The following CDC14A variants were observed in gnomAD, a reference collection of about 807,000 sequenced individuals.
CDC14A encodes dual specificity protein phosphatase CDC14A.
A neutral mutation model predicts 74.4 loss-of-function variants in CDC14A; 53 were observed. The ratio of observed to expected loss-of-function variants is 0.71; its 90% CI spans 0.57 to 0.89. The LOEUF (loss-of-function observed/expected upper bound fraction) is 0.89, where lower values mean the gene tolerates loss of function less well. Ranked by LOEUF, CDC14A falls within the 40% of genes least tolerant of loss-of-function variation. The pLI is 0.00. For synonymous variants in CDC14A, 247 were observed against 258.4 expected (o/e 0.96, Z 0.43); for missense variants, 646 against 713.7 (o/e 0.91, Z 1.08).
intron 11 of CDC14A, among the ~76,000 whole-genome samples, chr1:100,491,004 C>T (rs1022867202): frequency 3.2e-4 from 48 of 152,114 alleles, no homozygotes; most frequent in Non-Finnish European, 3.4e-4. Flanking sequence ...AAAAGGAATT[C>T]CACTTCTATG....
In CDC14A at chr1:100,503,036, G is replaced by C. The variant is rs1648920941; in HGVS notation, c.1755+3774G>C. Among the ~76,000 whole-genome samples, 7 of 152,290 alleles carry C rather than the reference G, an allele frequency of 4.6e-5. No individual in the cohort carries two copies. In the South Asian group the frequency reaches 1.4e-3, roughly 32 times the overall value. ...TAAGAAGCAGCAGGTCTTTGTAGCA[G>C]ACCTTCCCCCCTTTAACTTTGCTTA... On this transcript the variant is annotated intron_variant, in intron 15 of 15. Transcript: ENST00000336454.
chr1:100,376,382 A>G (rs1170047911), intron 2 of CDC14A, among the ~76,000 whole-genome samples: 2 of 152,182 alleles, frequency 1.3e-5, no homozygotes, highest in Non-Finnish European at 2.9e-5. Context: ...GAAAGGATGA[A>G]TTATAGTAGT....
In CDC14A at chr1:100,439,970, T is replaced by A. The variant is rs1377044452; in HGVS notation, c.428T>A (p.Ile143Asn). The part of the protein sequence containing the change: ...SFGNCTYNLT[I>N]LDCLQGIRKG... ...GGAAATTGCACTTACAATCTCACCA[T>A]TCTCGACTGTTTGCAGGGAATCAGA... Residue 143 changes from isoleucine (I) to asparagine (N), a missense_variant, in exon 6 of 16, where the codon ATT becomes AAT. Transcript: ENST00000336454. The A allele has an allele frequency of 6.2e-7, 1 of 1,613,510 alleles. No homozygotes were observed. Among genetic ancestry groups the A allele is most frequent in the Non-Finnish European group, 8.5e-7 (1 of 1,179,460 alleles).
chr1:100,498,391 A>G (rs930700453), intron 14 of CDC14A, among the ~76,000 whole-genome samples, 184 bp downstream of exon 14: 2 of 152,146 alleles, frequency 1.3e-5, no homozygotes, highest in African/African-American at 4.8e-5. Flanking sequence ...AAGGTTGTGG[A>G]GGGAATGGTG....
intron 2 of CDC14A, among the ~76,000 whole-genome samples, chr1:100,376,209 A>T (rs1440671399): frequency 6.6e-6 from 1 of 152,122 alleles, no homozygotes; most frequent in African/African-American, 2.4e-5. Context: ...GTAAATGCTG[A>T]GTTAATAGGT....
At chr1:100,499,854 G>C (rs1648504285) in intron 15 of CDC14A, among the ~76,000 whole-genome samples, 1 of 152,104 alleles carries the variant, frequency 6.6e-6, no homozygotes, top group African/African-American at 2.4e-5. Context: ...TTCTAAGAAG[G>C]GCTTATAGGT....
Position 100,431,743 on chromosome 1 carries a change from G to T in CDC14A, c.389+7442G>T, listed in dbSNP as rs1189856187. Among the ~76,000 whole-genome samples, 5 of 152,024 alleles carry T rather than the reference G, an allele frequency of 3.3e-5. No individual in the cohort carries two copies. In the East Asian group the frequency reaches 9.7e-4, roughly 29 times the overall value. On this transcript the variant is annotated intron_variant, in intron 5 of 15. Coordinates refer to ENST00000336454, the MANE Select transcript of CDC14A (RefSeq NM_003672.4). ...CACACATCTGTAGTCCTAGTTGCCT[G>T]GGAGGTTTAGGTGGGAGGATTGCTT...
In CDC14A at chr1:100,353,793, A is replaced by C; in HGVS notation, c.81A>C (p.Arg27Ser). The C allele has an allele frequency of 6.2e-7, 1 of 1,607,366 alleles. No homozygotes were observed. The highest frequency in any genetic ancestry group is 8.5e-7 in the Non-Finnish European group (1 of 1,175,028). Reference sequence around the variant, plus strand: ...TATATTTTGCTACTTTAAGGAATAGACCAAAAAGCACAGTAAATACCCACT... The same window carrying C: ...TATATTTTGCTACTTTAAGGAATAGCCCAAAAAGCACAGTAAATACCCACT... Reference protein sequence around the residue: ...DRLYFATLRNRPKSTVNTHYF... With the variant: ...DRLYFATLRNSPKSTVNTHYF... Residue 27 changes from arginine to serine, a missense_variant, in exon 2 of 16, where the codon AGA becomes AGC. Physicochemically the swap from Arg to Ser is moderately radical, Grantham distance 110. Transcript: ENST00000336454.
chr1:100,446,728 C>T (rs953993985), intron 7 of CDC14A, among the ~76,000 whole-genome samples: 14 of 152,080 alleles, frequency 9.2e-5, no homozygotes, highest in Non-Finnish European at 1.6e-4. Context: ...GAGAGGGTCT[C>T]GCTCTGTCAC....
chr1:100,352,006 G>A (rs1200136147), upstream of CDC14A, among the ~76,000 whole-genome samples: 1 of 146,680 alleles, frequency 6.8e-6, no homozygotes, highest in African/African-American at 2.7e-5. Flanking sequence ...GTGTGTGTGC[G>A]CGCGCGCGCG....
At chr1:100,463,375 G>GT (rs1667499575) in intron 9 of CDC14A, among the ~76,000 whole-genome samples, 1 of 152,148 alleles carries the variant, frequency 6.6e-6, no homozygotes, top group South Asian at 2.1e-4. Context: ...ATGGAGCAGA[G>GT]CGTCTTCCAT....
At chr1:100,411,253 G>GTATT (rs1412333140) in intron 4 of CDC14A, among the ~76,000 whole-genome samples, 1 of 152,036 alleles carries the variant, frequency 6.6e-6, no homozygotes, top group Non-Finnish European at 1.5e-5. Flanking sequence ...ATAGTGCAAG[G>GTATT]GAACACTGTT....
chr1:100,395,874 G>A (rs1010703204), intron 4 of CDC14A, among the ~76,000 whole-genome samples: 1 of 152,106 alleles, frequency 6.6e-6, no homozygotes, highest in Non-Finnish European at 1.5e-5. Flanking sequence ...TGATATTTCT[G>A]TTCTATCTGG....
rs1413593309 is a variant in CDC14A at position 100,519,931 on chromosome 1, G to A, written c.*1651G>A. The stretch of plus-strand genomic sequence containing the variant: ...TGACATTTGAGAAGTAGGGGAAAGG[G>A]AATCATGTTGACAGTTTTAGTTCTG... On this transcript the variant is annotated 3_prime_UTR_variant, in exon 16 of 16. Transcript: ENST00000336454. The A allele has an allele frequency of 6.6e-6, 1 of 152,052 alleles. No individual in the cohort carries two copies. The highest frequency in any genetic ancestry group is 1.9e-4 in the East Asian group (1 of 5,198). The allele number at this position is 152,052 out of a possible 1,614,324, so 9.4% of individuals were successfully genotyped here.
At chr1:100,465,382 A>G (rs1185881752) in intron 9 of CDC14A, among the ~76,000 whole-genome samples, 2 of 152,128 alleles carry the variant, frequency 1.3e-5, no homozygotes, top group Non-Finnish European at 2.9e-5. Flanking sequence ...ATTTTCTTCC[A>G]CTTGCACACA....
At chr1:100,387,801 T>A (rs1023117279) in intron 3 of CDC14A, among the ~76,000 whole-genome samples, 4 of 152,160 alleles carry the variant, frequency 2.6e-5, no homozygotes, top group Admixed American at 6.5e-5. Context: ...CTGTATTCTA[T>A]ATACTTTAGA....
At chr1:100,436,922 A>AG (rs1300497813) in intron 5 of CDC14A, among the ~76,000 whole-genome samples, 1 of 152,204 alleles carries the variant, frequency 6.6e-6, no homozygotes, top group Admixed American at 6.5e-5. Flanking sequence ...GCAGTGGCTT[A>AG]CACCTGTAAT....
chr1:100,444,745 C>T (rs1198239184), intron 7 of CDC14A, among the ~76,000 whole-genome samples: 1 of 152,084 alleles, frequency 6.6e-6, no homozygotes, highest in Admixed American at 6.5e-5. Context: ...TTGTACTTTC[C>T]ATTTTTCTTA....
chr1:100,464,081 C>G (rs913237059), intron 9 of CDC14A, among the ~76,000 whole-genome samples: 1 of 152,144 alleles, frequency 6.6e-6, no homozygotes, highest in Non-Finnish European at 1.5e-5. Context: ...TTTGTAGGCC[C>G]TTGTTTCTAT....
Sources: allele counts gnomAD v4.1 joint callset (sites outside exome capture counted in the v4.1 genomes callset), GRCh38; gene constraint gnomAD v4.1.1; transcripts MANE v1.5; gene names NCBI Gene and HGNC (gene_info 2026-07-23, HGNC 2026-07-21).